Variants in CPNE4 observed in about 807,000 individuals in gnomAD.
CPNE4 encodes copine-4.
CPNE4 carries 25 observed loss-of-function variants against 67.9 expected under a neutral mutation model. That is an observed-to-expected ratio of 0.37 (90% CI 0.27 to 0.51). The LOEUF (loss-of-function observed/expected upper bound fraction) is 0.51, where lower values mean the gene tolerates loss of function less well. CPNE4 is among the 20% of genes least tolerant of loss of function. The pLI is 0.93. For synonymous variants in CPNE4, 242 were observed against 244.9 expected (o/e 0.99, Z 0.11); for missense variants, 464 against 690.8 (o/e 0.67, Z 3.68).
intron 2 of CPNE4, among the ~76,000 whole-genome samples, chr3:131,805,082 C>T (rs1220159033): frequency 6.6e-6 from 1 of 152,146 alleles, no homozygotes; most frequent in African/African-American, 2.4e-5. Context: ...TTGAGTCAAA[C>T]CAACAGAATT....
intron 1 of CPNE4, among the ~76,000 whole-genome samples, chr3:131,994,638 A>G (rs1420638861): frequency 6.6e-6 from 1 of 152,218 alleles, no homozygotes; most frequent in East Asian, 1.9e-4. Context: ...GGAGAACCCT[A>G]TGTACTGGGC....
At position 131,991,571 on chromosome 3, in the gene CPNE4, G is replaced by A. The variant is rs534854347; in HGVS notation, c.-2+42996C>T. ...AATTTCTAAGTGGCAGAGCATTCAA[G>A]AGAAAGCAGAACATTAAAGTTTGGA... On this transcript the variant is annotated intron_variant, in intron 1 of 15. Coordinates refer to ENST00000429747, the MANE Select transcript of CPNE4 (RefSeq NM_130808.3). Among the ~76,000 whole-genome samples the A allele has an allele frequency of 8.1e-5, 11 of 136,358 alleles. 3 individuals are homozygous for A. The East Asian group carries it at 2.1e-3, about 26-fold the overall frequency. The allele number at this position is 136,358 out of a possible 152,430, so 89.5% of individuals were successfully genotyped here.
intron 7 of CPNE4, among the ~76,000 whole-genome samples, chr3:131,665,434 A>C (rs920157961): frequency 6.6e-6 from 1 of 152,088 alleles, no homozygotes; most frequent in Non-Finnish European, 1.5e-5. Context: ...CATGGTGGGC[A>C]GATCACTTGA....
chr3:131,789,005 GACAC>G (rs150450935), intron 2 of CPNE4, among the ~76,000 whole-genome samples: 9,713 of 133,630 alleles, frequency 0.073, 358 homozygotes, highest in Non-Finnish European at 0.088. Flanking sequence ...AACTCAACCA[GACAC>G]ACACACACAC....
chr3:131,942,418 C>T (rs186341615), intron 1 of CPNE4, among the ~76,000 whole-genome samples: 80 of 111,160 alleles, frequency 7.2e-4, no homozygotes, highest in African/African-American at 2.5e-3. Flanking sequence ...CTTCTAGCTT[C>T]CTCGTGTGTG....
At chr3:131,652,077 A>G (rs186337188) in intron 7 of CPNE4, among the ~76,000 whole-genome samples, 14 of 152,330 alleles carry the variant, frequency 9.2e-5, no homozygotes, top group Admixed American at 9.2e-4. Flanking sequence ...GTTTTAATAA[A>G]TGGCTGATGA....
intron 2 of CPNE4, among the ~76,000 whole-genome samples, chr3:131,830,326 T>C (rs989459003): frequency 1.3e-5 from 2 of 152,228 alleles, no homozygotes; most frequent in African/African-American, 4.8e-5. Context: ...AATGTCCTTC[T>C]ATCTTGTCCC....
chr3:131,872,082 AAC>A (rs1334560937), intron 2 of CPNE4, among the ~76,000 whole-genome samples: 1 of 152,132 alleles, frequency 6.6e-6, no homozygotes, highest in Non-Finnish European at 1.5e-5. Context: ...TGCCTCAAAC[AAC>A]AGTGTGACAG....
At chr3:131,795,483 G>A (rs562245184) in intron 2 of CPNE4, among the ~76,000 whole-genome samples, 39 of 152,152 alleles carry the variant, frequency 2.6e-4, no homozygotes, top group African/African-American at 8.9e-4. Flanking sequence ...TCTTCCCTAA[G>A]GACCAAACAG....
At chr3:131,905,490 C>A in intron 1 of CPNE4, 46 bp from the exon 2 acceptor site, 1 of 1,514,444 alleles carries the variant, frequency 6.6e-7, no homozygotes, top group Non-Finnish European at 8.9e-7. Context: ...CCAATCACTG[C>A]AATATTTGTC....
chr3:131,695,808 A>G (rs1003157783), intron 5 of CPNE4, among the ~76,000 whole-genome samples: 1 of 152,250 alleles, frequency 6.6e-6, no homozygotes, highest in African/African-American at 2.4e-5. Context: ...TTATAAGGAT[A>G]AAGTATTTCC....
intron 2 of CPNE4, among the ~76,000 whole-genome samples, chr3:131,736,657 T>A (rs1583108760): frequency 6.7e-6 from 1 of 148,820 alleles, no homozygotes; most frequent in Admixed American, 6.7e-5. Flanking sequence ...TACACAAGGG[T>A]TGAGAGAAAG....
chr3:131,832,183 A>G (rs11709402), intron 2 of CPNE4, among the ~76,000 whole-genome samples: 30,848 of 152,166 alleles, frequency 0.2, 3,871 homozygotes, highest in Non-Finnish European at 0.27. Flanking sequence ...TTATATAGCA[A>G]GTATTATAGA....
chr3:131,553,876 A>G (rs1209379727), intron 12 of CPNE4, among the ~76,000 whole-genome samples: 2 of 152,042 alleles, frequency 1.3e-5, no homozygotes, highest in East Asian at 3.9e-4. Context: ...GGAATGGGAG[A>G]AATTAGGGGA....
intron 7 of CPNE4, among the ~76,000 whole-genome samples, chr3:131,662,760 G>A (rs1409879756): frequency 6.6e-6 from 1 of 152,166 alleles, no homozygotes; most frequent in Non-Finnish European, 1.5e-5. Flanking sequence ...AAACCACAAT[G>A]AGATACCATC....
intron 2 of CPNE4, among the ~76,000 whole-genome samples, chr3:131,869,730 G>C (rs115013912): frequency 6.6e-6 from 1 of 151,962 alleles, no homozygotes; most frequent in Non-Finnish European, 1.5e-5. Flanking sequence ...TTGTATGTTC[G>C]GAGAAAAAGA....
chr3:131,912,719 T>C (rs1261542862), intron 1 of CPNE4, among the ~76,000 whole-genome samples: 2 of 152,170 alleles, frequency 1.3e-5, no homozygotes, highest in African/African-American at 4.8e-5. Context: ...CTGTAAGAGA[T>C]GGAGGCATAA....
At chr3:131,749,017 A>C (rs768970499) in intron 2 of CPNE4, among the ~76,000 whole-genome samples, 1 of 150,218 alleles carries the variant, frequency 6.7e-6, no homozygotes, top group Non-Finnish European at 1.5e-5. Flanking sequence ...ATTTACTTTG[A>C]TGTTATTTTT....
At chr3:131,622,269 T>C (rs1940517511) in intron 7 of CPNE4, among the ~76,000 whole-genome samples, 1 of 152,106 alleles carries the variant, frequency 6.6e-6, no homozygotes, top group East Asian at 1.9e-4. Context: ...TTACTCCCAA[T>C]TTTGATTTTA....
Sources: gnomAD v4.1 joint callset for allele counts (sites outside exome capture counted in the v4.1 genomes callset) on GRCh38, gnomAD v4.1.1 for gene constraint, MANE v1.5 for transcripts, NCBI Gene and HGNC (gene_info 2026-07-23, HGNC 2026-07-21) for gene names.